ALG14: variants seen among roughly 807,000 people sequenced by gnomAD.
ALG14 encodes the protein ALG14 UDP-N-acetylglucosaminyltransferase subunit.
ALG14 carries 17 observed loss-of-function variants against 22.8 expected under a neutral mutation model. The observed-to-expected ratio is 0.75, with a 90% confidence interval of 0.51 to 1.12. The LOEUF (loss-of-function observed/expected upper bound fraction) is 1.12, where lower values mean the gene tolerates loss of function less well. ALG14 is among the 50% of genes most tolerant of loss of function. The pLI is 0.00. For missense variants in ALG14, 288 were observed against 271.8 expected (o/e 1.06, Z -0.42); for synonymous variants, 89 against 103.7 (o/e 0.86, Z 0.86).
chr1:94,991,855 T>G (rs1227477273), intron 3 of ALG14, among the ~76,000 whole-genome samples: 1 of 151,674 alleles, frequency 6.6e-6, no homozygotes, highest in Admixed American at 6.6e-5. Flanking sequence ...TTTTATATCT[T>G]TTTTTTTAAC....
intron 2 of ALG14, among the ~76,000 whole-genome samples, chr1:95,055,518 A>C (rs1674894245): frequency 6.6e-6 from 1 of 152,138 alleles, no homozygotes. Context: ...AAAAGCATTA[A>C]GGAGATCTAA....
At chr1:95,041,924 A>T (rs932564147) in intron 2 of ALG14, among the ~76,000 whole-genome samples, 1 of 152,204 alleles carries the variant, frequency 6.6e-6, no homozygotes, top group African/African-American at 2.4e-5. Flanking sequence ...ATCCCTATTT[A>T]TTACACTAGC....
chr1:95,034,716 T>C (rs549526512), intron 2 of ALG14, among the ~76,000 whole-genome samples: 57 of 152,282 alleles, frequency 3.7e-4, no homozygotes, highest in Non-Finnish European at 7.6e-4. Flanking sequence ...GGAGCTGCTT[T>C]CCCCAACATA....
chr1:95,022,438 G>A (rs1171147936), intron 3 of ALG14: 5 of 839,776 alleles, frequency 6.0e-6, no homozygotes, highest in African/African-American at 1.8e-5. Context: ...ACCACTTCTC[G>A]CAGTGGACTC....
chr1:94,988,990 CATA>C (rs1672707803), intron 3 of ALG14, among the ~76,000 whole-genome samples: 1 of 152,034 alleles, frequency 6.6e-6, no homozygotes, highest in South Asian at 2.1e-4. Context: ...AGAGCTTATA[CATA>C]ATATTAGTAA....
At chr1:95,039,804 G>A (rs1674323850) in intron 2 of ALG14, among the ~76,000 whole-genome samples, 1 of 152,106 alleles carries the variant, frequency 6.6e-6, no homozygotes, top group Non-Finnish European at 1.5e-5. Context: ...CTGGACTGAT[G>A]CTGACAGGCC....
intron 2 of ALG14, among the ~76,000 whole-genome samples, chr1:95,040,095 C>T (rs1054792392): frequency 4.6e-5 from 7 of 151,864 alleles, no homozygotes; most frequent in Non-Finnish European, 1.0e-4. Flanking sequence ...TAGCTTAAGC[C>T]TGGGAGGAAG....
chr1:95,063,378 C>T (rs1215986013), intron 2 of ALG14, among the ~76,000 whole-genome samples: 4 of 152,112 alleles, frequency 2.6e-5, no homozygotes, highest in African/African-American at 7.2e-5. Flanking sequence ...ATGCTGGTGT[C>T]CTGAATACTA....
chr1:95,045,665 T>C (rs34948073), intron 2 of ALG14, among the ~76,000 whole-genome samples: 3,419 of 139,908 alleles, frequency 0.024, 68 homozygotes, highest in Non-Finnish European at 0.036. Context: ...AACAGAATGG[T>C]ATACTAATAG....
chr1:95,068,138 GTT>G (rs1675438519), intron 1 of ALG14, among the ~76,000 whole-genome samples: 1 of 152,200 alleles, frequency 6.6e-6, no homozygotes, highest in Admixed American at 6.5e-5. Flanking sequence ...AGGGATTTGT[GTT>G]TGTTACTGCT....
intron 2 of ALG14, among the ~76,000 whole-genome samples, chr1:95,054,052 T>A (rs1674846932): frequency 6.6e-6 from 1 of 152,134 alleles, no homozygotes; most frequent in African/African-American, 2.4e-5. Context: ...AAAAAATGAA[T>A]ATTAAAATTG....
chr1:95,058,839 G>A (rs865867243), intron 2 of ALG14, among the ~76,000 whole-genome samples: 7 of 151,836 alleles, frequency 4.6e-5, no homozygotes, highest in African/African-American at 1.7e-4. Context: ...AGTGATACTT[G>A]AGCTAGGAGA....
chr1:95,029,894 T>C (rs947293345), intron 2 of ALG14, among the ~76,000 whole-genome samples: 2 of 152,240 alleles, frequency 1.3e-5, no homozygotes, highest in African/African-American at 2.4e-5. Context: ...ATCAATCTTT[T>C]ATCAAATCAA....
chr1:94,996,497 T>A (rs1333447050), intron 3 of ALG14, among the ~76,000 whole-genome samples: 1 of 152,106 alleles, frequency 6.6e-6, no homozygotes, highest in East Asian at 1.9e-4. Context: ...TGGGAGGGGC[T>A]TTTCAGTGAG....
At chr1:95,047,758 T>C (rs896077360) in intron 2 of ALG14, among the ~76,000 whole-genome samples, 3 of 152,236 alleles carry the variant, frequency 2.0e-5, no homozygotes, top group Non-Finnish European at 2.9e-5. Context: ...GGTAGGAGAA[T>C]TGCTTGAGAC....
chr1:95,052,927 C>T (rs12037609), intron 2 of ALG14, among the ~76,000 whole-genome samples: 1,925 of 149,432 alleles, frequency 0.013, 44 homozygotes, highest in East Asian at 0.11. Context: ...AAAGGAGAAG[C>T]GGGGAATAAA....
intron 2 of ALG14, among the ~76,000 whole-genome samples, chr1:95,038,380 T>C (rs1674266034): frequency 6.6e-6 from 1 of 152,024 alleles, no homozygotes; most frequent in Non-Finnish European, 1.5e-5. Flanking sequence ...TCCCAGCTAC[T>C]TGGGAGGCTG....
At chr1:94,989,045 C>T (rs1044591178) in intron 3 of ALG14, among the ~76,000 whole-genome samples, 5 of 152,076 alleles carry the variant, frequency 3.3e-5, no homozygotes, top group African/African-American at 1.2e-4. Context: ...TAAAAACTCA[C>T]GGTTTTTAAT....
intron 3 of ALG14, among the ~76,000 whole-genome samples, chr1:95,022,706 T>C (rs1471623701): frequency 1.3e-5 from 2 of 152,260 alleles, no homozygotes; most frequent in East Asian, 1.9e-4. Flanking sequence ...TGTGGTCTAA[T>C]TGTTTCTCAT....
Sources: gnomAD v4.1 joint callset for allele counts (sites outside exome capture counted in the v4.1 genomes callset) on GRCh38, gnomAD v4.1.1 for gene constraint, MANE v1.5 for transcripts, NCBI Gene and HGNC (gene_info 2026-07-23, HGNC 2026-07-21) for gene names.